Variants in FAM114A2 observed in about 807,000 individuals in gnomAD.
FAM114A2 encodes the protein protein FAM114A2.
FAM114A2 carries 53 observed loss-of-function variants against 58.4 expected under a neutral mutation model. The ratio of observed to expected loss-of-function variants is 0.91; its 90% confidence interval spans 0.73 to 1.14. The LOEUF is 1.14. Among genes scored for constraint, FAM114A2 ranks in the 50% most tolerant of loss-of-function variants. The probability of loss-of-function intolerance (pLI) is 0.00; values close to 1 mark genes in which losing one functional copy is unlikely to be tolerated. For missense variants in FAM114A2, 601 were observed against 581.1 expected, an observed-to-expected ratio of 1.03 and a Z score of -0.35; for synonymous variants, 228 against 211.4, an observed-to-expected ratio of 1.08 and a Z score of -0.68.
intron 11 of FAM114A2, among the ~76,000 whole-genome samples, chr5:153,999,299 G>A (rs1769807720): frequency 6.6e-6 from 1 of 152,088 alleles, no homozygotes; most frequent in African/African-American, 2.4e-5. Context: ...AGACCACAGT[G>A]AGCTATCATC....
At chr5:154,028,392 G>GTATT (rs1228996822) in intron 5 of FAM114A2, 109 bp from the exon 6 acceptor site, 63 of 709,218 alleles carry the variant, frequency 8.9e-5, no homozygotes, top group Non-Finnish European at 1.3e-4. Context: ...ACCAAGCACT[G>GTATT]GCAAGAATGT....
chr5:154,027,407 A>C, intron 6 of FAM114A2, 73 bp from the exon 7 acceptor site: 6 of 1,322,048 alleles, frequency 4.5e-6, no homozygotes, highest in Non-Finnish European at 6.2e-6. Context: ...AATTGAAGGA[A>C]GCAAAGCTTA....
intron 9 of FAM114A2, among the ~76,000 whole-genome samples, chr5:154,004,386 C>T (rs375048943): frequency 7.9e-5 from 12 of 152,094 alleles, no homozygotes; most frequent in East Asian, 3.9e-4. Context: ...ATCCTATTCC[C>T]TCTCCATCCA....
chr5:154,016,594 G>A (rs1371100502), intron 8 of FAM114A2, among the ~76,000 whole-genome samples: 2 of 152,050 alleles, frequency 1.3e-5, no homozygotes, highest in Non-Finnish European at 2.9e-5. Flanking sequence ...CAAGCCAGCA[G>A]TACAAGAACT....
chr5:154,035,470 C>CT (rs1772490331), intron 1 of FAM114A2, among the ~76,000 whole-genome samples: 1 of 152,118 alleles, frequency 6.6e-6, no homozygotes, highest in Non-Finnish European at 1.5e-5. Flanking sequence ...TTGACATTGA[C>CT]TTTTTTCACT....
At chr5:154,015,107 C>T (rs1437691307) in intron 8 of FAM114A2, among the ~76,000 whole-genome samples, 1 of 152,142 alleles carries the variant, frequency 6.6e-6, no homozygotes, top group African/African-American at 2.4e-5. Context: ...TGACCTGGAC[C>T]TCATCCCCAT....
chr5:154,011,337 C>T lies in FAM114A2; in HGVS notation c.914-17G>A, dbSNP rs1382955381. ...CTTCATCCCCTAAAAAACCAAGTCC[C>T]ATATAAAACACTCCAGAAAGACTGC... On this transcript the variant is annotated splice_polypyrimidine_tract_variant and intron_variant, in intron 8 of 13. Transcript: ENST00000351797. 6.3e-7 allele frequency: 1 copy of T among 1,579,020 alleles called. No individual in the cohort carries two copies. Among genetic ancestry groups the T allele is most frequent in the East Asian group, 2.2e-5 (1 of 44,616 alleles).
chr5:154,004,027 C>G (rs577278591), intron 9 of FAM114A2, among the ~76,000 whole-genome samples: 2 of 152,222 alleles, frequency 1.3e-5, no homozygotes, highest in East Asian at 1.9e-4. Context: ...CAGTTTTGTA[C>G]AGGAGCAATA....
chr5:154,021,112 A>C (rs1771387888), intron 8 of FAM114A2, among the ~76,000 whole-genome samples: 1 of 152,098 alleles, frequency 6.6e-6, no homozygotes, highest in Non-Finnish European at 1.5e-5. Context: ...CATACTAAAA[A>C]CTCTCAATAA....
chr5:154,034,676 T>A, intron 2 of FAM114A2, 68 bp downstream of exon 2: 1 of 1,176,558 alleles, frequency 8.5e-7, no homozygotes, highest in Non-Finnish European at 1.3e-6. Context: ...CCAAATTTCT[T>A]TTAGCCCCAA....
intron 11 of FAM114A2, 42 bp downstream of exon 11, chr5:154,002,208 TC>T: frequency 6.3e-7 from 1 of 1,589,688 alleles, no homozygotes. Flanking sequence ...CCAAGAAAAC[TC>T]CTGCAATTTG....
At chr5:154,008,946 T>C (rs1431608846) in intron 9 of FAM114A2, among the ~76,000 whole-genome samples, 1 of 152,174 alleles carries the variant, frequency 6.6e-6, no homozygotes, top group Non-Finnish European at 1.5e-5. Context: ...TGGATTAAAA[T>C]TGGAGTTATA....
chr5:154,002,101 GA>G (rs371494233), intron 11 of FAM114A2, 149 bp downstream of exon 11: 4 of 643,698 alleles, frequency 6.2e-6, no homozygotes, highest in Admixed American at 5.2e-5. Flanking sequence ...TCAATGAAAA[GA>G]AAAAAACAAC....
intron 8 of FAM114A2, among the ~76,000 whole-genome samples, chr5:154,013,769 A>G (rs1162773201): frequency 6.6e-6 from 1 of 152,232 alleles, no homozygotes; most frequent in Admixed American, 6.5e-5. Flanking sequence ...CAATGGAGCA[A>G]CTTAAGAAAA....
intron 1 of FAM114A2, among the ~76,000 whole-genome samples, 161 bp from the exon 2 acceptor site, chr5:154,035,128 T>C (rs1250101839): frequency 6.6e-6 from 1 of 152,226 alleles, no homozygotes; most frequent in African/African-American, 2.4e-5. Context: ...ATGGTAAAAC[T>C]TACACAAATA....
chr5:154,031,516 G>A (rs1772201346), intron 4 of FAM114A2, among the ~76,000 whole-genome samples: 1 of 152,090 alleles, frequency 6.6e-6, no homozygotes, highest in Non-Finnish European at 1.5e-5. Context: ...ATCCTTGGCA[G>A]AGGAATTAAC....
chr5:154,033,857 T>C lies in FAM114A2; in HGVS notation c.337A>G (p.Lys113Glu), dbSNP rs1480682620. The C allele has an allele frequency of 3.1e-6, 5 of 1,610,556 alleles. No homozygotes were observed. The Admixed American group carries it at 8.4e-5, about 27-fold the overall frequency. ...GGGATTCCAAGGGAAGTCTCTGCCTTCTCGATGACATTTGAAATGCCTTGT... is the reference window on the plus strand; with the variant it reads ...GGGATTCCAAGGGAAGTCTCTGCCTCCTCGATGACATTTGAAATGCCTTGT... ...VGQGISNVIEKAETSLGIPGP... is the reference protein window; with the variant it reads ...VGQGISNVIEEAETSLGIPGP... Residue 113 changes from lysine to glutamate, a missense_variant, in exon 4 of 14, where the codon AAG becomes GAG. Physicochemically the swap from Lys to Glu is moderately conservative, Grantham distance 56. Coordinates refer to ENST00000351797, the MANE Select transcript of FAM114A2 (RefSeq NM_018691.4).
chr5:154,011,465 T>A, intron 8 of FAM114A2, 145 bp from the exon 9 acceptor site: 1 of 596,790 alleles, frequency 1.7e-6, no homozygotes, highest in Non-Finnish European at 3.0e-6. Context: ...TACATGAGCA[T>A]GGTGCTTTAG....
Position 153,993,035 on chromosome 5 carries a change from T to C in FAM114A2, c.1459A>G (p.Asn487Asp). ...LPVLEISLIE[N>D]KIESHRHELQ... is the part of the protein sequence containing the mutation. ...TCATGTCTGTGTGATTCAATCTTGT[T>C]CTCAATGAGAGAGATCTCTAGCACA... is the stretch of plus-strand genomic sequence containing the variant. Residue 487 changes from asparagine (N) to aspartate (D), a missense_variant, in exon 14 of 14, where the codon AAC (asparagine) becomes GAC (aspartate). Asn to Asp is a conservative substitution (Grantham distance 23). Coordinates refer to ENST00000351797, the MANE Select transcript of FAM114A2 (RefSeq NM_018691.4). The C allele has an allele frequency of 6.2e-7, 1 of 1,613,584 alleles. No homozygotes were observed. Among genetic ancestry groups the C allele is most frequent in the Non-Finnish European group, 8.5e-7 (1 of 1,179,596 alleles).
Sources: allele counts gnomAD v4.1 joint callset (sites outside exome capture counted in the v4.1 genomes callset), GRCh38; gene constraint gnomAD v4.1.1; transcripts MANE v1.5; gene names NCBI Gene and HGNC (gene_info 2026-07-23, HGNC 2026-07-21).